The following ARMH4 variants were observed in gnomAD, a reference collection of about 807,000 sequenced individuals.
The protein encoded by ARMH4 is armadillo like helical domain containing 4.
In ARMH4, 49 loss-of-function variants were observed where a neutral mutation model predicts 61.9. The ratio of observed to expected loss-of-function variants is 0.79; its 90% CI spans 0.63 to 1.00. ARMH4 has a LOEUF of 1.00. Among genes scored for constraint, ARMH4 ranks in the 50% least tolerant of loss-of-function variants. ARMH4 has a pLI of 0.00. For synonymous variants in ARMH4, 368 were observed against 341.5 expected, an observed-to-expected ratio of 1.08 and a Z score of -0.85; for missense variants, 934 against 930.0, an observed-to-expected ratio of 1.00 and a Z score of -0.06.
intron 5 of ARMH4, among the ~76,000 whole-genome samples, chr14:58,032,540 G>A (rs985013839): frequency 1.3e-5 from 2 of 152,116 alleles, no homozygotes; most frequent in African/African-American, 2.4e-5. Flanking sequence ...GAAATACTTA[G>A]GGGAGGAGCC....
rs1252434844 is a variant in ARMH4, at chr14:58,002,267, T to C, written c.*2469A>G. The stretch of plus-strand genomic sequence containing the variant: ...CCACAGCCACCAGCAGCAAGGAAAA[T>C]GGCCAAAATAAACATGTCATTTGTA... On this transcript the variant is annotated 3_prime_UTR_variant, in exon 8 of 8. Transcript: ENST00000267485. 1 of 152,120 alleles carries C rather than the reference T, an allele frequency of 6.6e-6. No individual in the cohort carries two copies. The highest frequency in any genetic ancestry group is 1.9e-4 in the East Asian group (1 of 5,192). The allele number at this position is 152,120 out of a possible 1,614,324, so 9.4% of individuals were successfully genotyped here.
chr14:58,133,716 T>TA (rs1887208382), intron 2 of ARMH4, among the ~76,000 whole-genome samples: 1 of 152,238 alleles, frequency 6.6e-6, no homozygotes, highest in African/African-American at 2.4e-5. Flanking sequence ...AACATTTGTA[T>TA]ACAGTGTATT....
intron 4 of ARMH4, among the ~76,000 whole-genome samples, chr14:58,113,566 A>G (rs572982253): frequency 1.4e-4 from 22 of 152,160 alleles, no homozygotes; most frequent in Middle Eastern, 3.4e-3. Context: ...CATTACCACT[A>G]TGAATCCTAT....
chr14:58,134,395 ATAAT>A (rs990422329), intron 2 of ARMH4, among the ~76,000 whole-genome samples: 1 of 152,220 alleles, frequency 6.6e-6, no homozygotes, highest in African/African-American at 2.4e-5. Flanking sequence ...AAGACTGTTT[ATAAT>A]AATACTCTGC....
In ARMH4 at chr14:58,127,167, G is replaced by A. The variant is rs531004191; in HGVS notation, c.1831+4345C>T. Among the ~76,000 whole-genome samples, 152 of 152,210 alleles carry A rather than the reference G, an allele frequency of 1.0e-3. 3 individuals are homozygous for A. The Middle Eastern group carries it at 0.027, about 27-fold the overall frequency. On this transcript the variant is annotated intron_variant, in intron 4 of 7. Coordinates refer to ENST00000267485, the MANE Select transcript of ARMH4 (RefSeq NM_001001872.4). ...TTGTTTCATAAGGTCTATAATAAGC[G>A]GGCCTTTTGAAACAAATGAGGAAAT...
chr14:58,080,305 A>T (rs11158197), intron 5 of ARMH4, among the ~76,000 whole-genome samples: 77,677 of 151,398 alleles, frequency 0.51, 20,326 homozygotes, highest in Middle Eastern at 0.6. Flanking sequence ...AATTTTGTAT[A>T]TTTAGTAGAG....
At chr14:58,005,280 G>A in intron 6 of ARMH4, 98 bp from the exon 7 acceptor site, 1 of 1,453,312 alleles carries the variant, frequency 6.9e-7, no homozygotes, top group Non-Finnish European at 9.4e-7. Context: ...TAGACACTTT[G>A]AATTCTCCTG....
intron 3 of ARMH4, among the ~76,000 whole-genome samples, chr14:58,132,581 C>T (rs1253255748): frequency 3.5e-5 from 3 of 86,072 alleles, no homozygotes; most frequent in East Asian, 3.4e-4. Context: ...ACCCTTGTCC[C>T]TTTTTTTTTT....
rs1197881668 is a variant in ARMH4, at chr14:58,034,338, T to C, written c.2090-22188A>G. Among the ~76,000 whole-genome samples the C allele has an allele frequency of 4.2e-4, 47 of 111,252 alleles. 6 individuals are homozygous for C. The highest frequency in any genetic ancestry group is 1.3e-3 in the Admixed American group (15 of 11,692). The allele number at this position is 111,252 out of a possible 152,430, so 73.0% of individuals were successfully genotyped here. A position where few individuals can be genotyped will look rare whatever the true frequency, so the allele number is the denominator to read the frequency against. On this transcript the variant is annotated intron_variant, in intron 5 of 7. Coordinates refer to ENST00000267485, the MANE Select transcript of ARMH4 (RefSeq NM_001001872.4). ...AGTGAAGGAGAAATAAAATACTTTA[T>C]AGACAAGCAAATGCTGAGATATTTT...
At chr14:58,096,034 G>A (rs111446157) in intron 5 of ARMH4, among the ~76,000 whole-genome samples, 11 of 152,252 alleles carry the variant, frequency 7.2e-5, no homozygotes, top group South Asian at 4.1e-4. Flanking sequence ...CTTCCCTGTC[G>A]ATGTGGAAGG....
chr14:58,071,022 C>G (rs931114650), intron 5 of ARMH4, among the ~76,000 whole-genome samples: 1 of 151,662 alleles, frequency 6.6e-6, no homozygotes, highest in African/African-American at 2.4e-5. Flanking sequence ...TTTCTTTATT[C>G]TAAGAAAAAT....
At chr14:58,124,945 T>C (rs1886849040) in intron 4 of ARMH4, among the ~76,000 whole-genome samples, 1 of 152,150 alleles carries the variant, frequency 6.6e-6, no homozygotes, top group Non-Finnish European at 1.5e-5. Flanking sequence ...CTAAGTATGC[T>C]TACCTAGTCC....
rs201034964 is a variant in ARMH4 at position 58,143,765 on chromosome 14, CTTTTTTTTT to C, written c.-56-4360_-56-4352del. ...AGGCATGAGCCACCGTGCCCATCCT[CTTTTTTTTT>C]TTTTTTTTTTTTTTTCTGAGACAGA... On this transcript the variant is annotated intron_variant, in intron 1 of 7. Coordinates refer to ENST00000267485, the MANE Select transcript of ARMH4 (RefSeq NM_001001872.4). Among the ~76,000 whole-genome samples, 181 of 120,008 alleles carry C rather than the reference CTTTTTTTTT, an allele frequency of 1.5e-3. 1 individual carries two copies. The highest frequency in any genetic ancestry group is 4.4e-3 in the Middle Eastern group (1 of 228). 78.7% of individuals were successfully genotyped at this position (120,008 alleles called of 152,430 possible).
chr14:58,039,179 C>G (rs1162927289), intron 5 of ARMH4, among the ~76,000 whole-genome samples: 1 of 152,216 alleles, frequency 6.6e-6, no homozygotes, highest in South Asian at 2.1e-4. Flanking sequence ...ATTCTCAGAA[C>G]TGAACTATCA....
chr14:58,141,938 T>A (rs1887574105), intron 1 of ARMH4, among the ~76,000 whole-genome samples: 1 of 152,208 alleles, frequency 6.6e-6, no homozygotes, highest in Admixed American at 6.5e-5. Context: ...GCAATCTTTA[T>A]TGAATACCCA....
At chr14:58,089,978 C>T (rs1457898560) in intron 5 of ARMH4, among the ~76,000 whole-genome samples, 1 of 152,198 alleles carries the variant, frequency 6.6e-6, no homozygotes, top group Non-Finnish European at 1.5e-5. Flanking sequence ...TGTAGGTGCT[C>T]AATGAATATC....
At chr14:58,029,805 A>G (rs1262042973) in intron 5 of ARMH4, among the ~76,000 whole-genome samples, 1 of 152,194 alleles carries the variant, frequency 6.6e-6, no homozygotes. Flanking sequence ...CTGCTCCTCA[A>G]AAAGTTAAAT....
intron 4 of ARMH4, among the ~76,000 whole-genome samples, chr14:58,111,211 GAATAC>G (rs1387618432): frequency 6.6e-6 from 1 of 152,014 alleles, no homozygotes; most frequent in Non-Finnish European, 1.5e-5. Context: ...TTAACAAATT[GAATAC>G]AATACATAAG....
chr14:58,131,386 G>A, intron 4 of ARMH4, 126 bp downstream of exon 4: 1 of 685,230 alleles, frequency 1.5e-6, no homozygotes, highest in Middle Eastern at 4.0e-4. Context: ...TGGCCCAGCT[G>A]TAGTTTACTG....
Sources: gnomAD v4.1 joint callset for allele counts (sites outside exome capture counted in the v4.1 genomes callset) on GRCh38, gnomAD v4.1.1 for gene constraint, MANE v1.5 for transcripts, NCBI Gene and HGNC (gene_info 2026-07-23, HGNC 2026-07-21) for gene names.